The following IFT74 variants were observed in gnomAD, a reference collection of about 807,000 sequenced individuals.
IFT74 encodes the protein intraflagellar transport protein 74 homolog.
In IFT74, 92 loss-of-function variants were observed where a neutral mutation model predicts 96.7. That is an observed-to-expected ratio of 0.95 (90% CI 0.80 to 1.13). The LOEUF is 1.13. Among genes scored for constraint, IFT74 ranks in the 50% most tolerant of loss-of-function variants. The pLI, the probability that IFT74 is intolerant of heterozygous loss-of-function variation, is 0.00. For missense variants in IFT74, 811 were observed against 698.2 expected (o/e 1.16, Z -1.82); for synonymous variants, 223 against 213.2 (o/e 1.05, Z -0.40).
chr9:27,053,151 C>T lies in IFT74; in HGVS notation c.1334-2458C>T, dbSNP rs917914903. On this transcript the variant is annotated intron_variant, in intron 16 of 19. Coordinates refer to ENST00000380062, the MANE Select transcript of IFT74 (RefSeq NM_025103.4). Reference sequence around the variant, plus strand: ...ATGCTGGGATTACAGGCGTGAGCACCGCGCCTGGCCTTTTTTTTTTTTTTT... The same window carrying T: ...ATGCTGGGATTACAGGCGTGAGCACTGCGCCTGGCCTTTTTTTTTTTTTTT... Among the ~76,000 whole-genome samples, 1,452 of 147,832 alleles carry T rather than the reference C, an allele frequency of 9.8e-3. 16 individuals carry two copies. The highest frequency in any genetic ancestry group is 0.016 in the Non-Finnish European group (1,106 of 67,198).
chr9:27,011,046 A>T (rs1489286119), intron 9 of IFT74, among the ~76,000 whole-genome samples: 1 of 152,178 alleles, frequency 6.6e-6, no homozygotes, highest in South Asian at 2.1e-4. Flanking sequence ...GAAGCGTTGA[A>T]GAAAAAGTAT....
In IFT74 at chr9:27,055,617, C is replaced by T. The variant is rs775945301; in HGVS notation, c.1342C>T (p.Arg448Cys). The change falls in exon 17 of 20, where the codon CGT becomes TGT. Residue 448 changes from arginine to cysteine, a missense_variant. Coordinates refer to ENST00000380062, the MANE Select transcript of IFT74 (RefSeq NM_025103.4). ...TAQNLTSDIQ[R>C]LQLDLQKMEL... ...AAATTCTTATGTTTCAGACATTCAA[C>T]GTCTGCAGTTGGATCTGCAGAAAAT... 8.9e-6 allele frequency: 14 copies of T among 1,571,550 alleles called. No individual in the cohort carries two copies. Among genetic ancestry groups the T allele is most frequent in the African/African-American group, 4.2e-5 (3 of 72,108 alleles).
At chr9:27,036,283 C>G (rs1819176797) in intron 13 of IFT74, among the ~76,000 whole-genome samples, 1 of 152,132 alleles carries the variant, frequency 6.6e-6, no homozygotes, top group Non-Finnish European at 1.5e-5. Context: ...GTTCAAACCT[C>G]TGTTTTTCAA....
chr9:27,052,951 C>CT (rs1439164140), intron 16 of IFT74, among the ~76,000 whole-genome samples: 9 of 152,014 alleles, frequency 5.9e-5, no homozygotes, highest in Non-Finnish European at 1.3e-4. Flanking sequence ...CAGGCTCCGC[C>CT]CCCAGGGGTT....
In IFT74 at chr9:27,057,309, C is replaced by G. The variant is rs531092467; in HGVS notation, c.1623+850C>G. 2.6e-5 allele frequency among the ~76,000 whole-genome samples: 4 copies of G among 152,176 alleles called. No individual in the cohort carries two copies. In the South Asian group the frequency reaches 8.3e-4, roughly 32 times the overall value. On this transcript the variant is annotated intron_variant, in intron 18 of 19. Coordinates refer to ENST00000380062, the MANE Select transcript of IFT74 (RefSeq NM_025103.4). The stretch of plus-strand genomic sequence containing the variant: ...CTCATCTTGCTGATAATTACTTGAA[C>G]AGTGTGTGAGGTCTAGATTGAGAGC...
intron 2 of IFT74, among the ~76,000 whole-genome samples, chr9:26,975,570 G>A (rs7035447): frequency 0.1 from 15,572 of 151,990 alleles, 1,830 homozygotes; most frequent in East Asian, 0.66. Context: ...ATTTCATCAC[G>A]CGCTTGGCTG....
intron 9 of IFT74, among the ~76,000 whole-genome samples, chr9:27,010,619 A>G (rs1829018032): frequency 6.6e-6 from 1 of 151,328 alleles, no homozygotes; most frequent in South Asian, 2.1e-4. Context: ...CCTCCTGAGT[A>G]GCTGGGACCA....
intron 8 of IFT74, among the ~76,000 whole-genome samples, chr9:27,004,235 T>C (rs917585610): frequency 2.6e-5 from 4 of 152,214 alleles, no homozygotes; most frequent in African/African-American, 9.6e-5. Flanking sequence ...ATGCTAATAA[T>C]TGTTTTCTCA....
intron 6 of IFT74, among the ~76,000 whole-genome samples, chr9:26,985,183 C>T (rs753341697): frequency 3.9e-5 from 6 of 152,140 alleles, no homozygotes; most frequent in Non-Finnish European, 7.4e-5. Context: ...GGTCATTATC[C>T]TTAGCAAACT....
At chr9:27,009,445 G>A (rs979142409) in intron 9 of IFT74, among the ~76,000 whole-genome samples, 15 of 151,700 alleles carry the variant, frequency 9.9e-5, no homozygotes, top group East Asian at 5.8e-4. Context: ...GAAAATACTC[G>A]CATTTATAAA....
intron 6 of IFT74, among the ~76,000 whole-genome samples, chr9:26,988,410 T>C (rs1827726233): frequency 6.6e-6 from 1 of 152,216 alleles, no homozygotes; most frequent in African/African-American, 2.4e-5. Context: ...CCACAAGATA[T>C]AATATTCAGG....
chr9:26,991,209 G>C (rs575775943), intron 8 of IFT74, among the ~76,000 whole-genome samples: 1 of 152,242 alleles, frequency 6.6e-6, no homozygotes, highest in South Asian at 2.1e-4. Flanking sequence ...TTCTTCTATT[G>C]ATTAAAAACA....
rs548113094 is a variant in IFT74, at chr9:27,029,342, T to G, written c.1054+238T>G. Among the ~76,000 whole-genome samples the G allele has an allele frequency of 1.0e-4, 15 of 144,690 alleles. No individual in the cohort carries two copies. The South Asian group carries it at 2.8e-3, about 27-fold the overall frequency. The allele number at this position is 144,690 out of a possible 152,430, so 94.9% of individuals were successfully genotyped here. ...TTATTTAGCTTTGCCAAGCAGTTTG[T>G]TTTTTTTTTTACAAAAACAGAAGTA... On this transcript the variant is annotated intron_variant, in intron 13 of 19. Coordinates refer to ENST00000380062, the MANE Select transcript of IFT74 (RefSeq NM_025103.4).
At chr9:27,028,539 C>T (rs376854176) in intron 12 of IFT74, among the ~76,000 whole-genome samples, 7 of 152,096 alleles carry the variant, frequency 4.6e-5, no homozygotes, top group African/African-American at 1.7e-4. Context: ...AGGTGGATCT[C>T]GAGGTCAAGA....
chr9:27,040,030 G>A (rs774262387), intron 13 of IFT74, among the ~76,000 whole-genome samples: 18 of 152,162 alleles, frequency 1.2e-4, no homozygotes, highest in Non-Finnish European at 1.9e-4. Context: ...ATGTGAAAAT[G>A]TTAGAAGGGG....
At position 26,996,453 on chromosome 9, in the gene IFT74, G is replaced by T. The variant is rs568424466; in HGVS notation, c.587+6258G>T. Reference sequence around the variant, plus strand: ...TATGAGGTACTGTTTTGATATTGTAGCTCTGCAGGCTGTTGGGGTAGCTAC... The same window carrying T: ...TATGAGGTACTGTTTTGATATTGTATCTCTGCAGGCTGTTGGGGTAGCTAC... On this transcript the variant is annotated intron_variant, in intron 8 of 19. Transcript: ENST00000380062. 9 of 1,550,954 alleles carry T rather than the reference G, an allele frequency of 5.8e-6. 1 individual carries two copies. In the South Asian group the frequency reaches 8.8e-5, roughly 15 times the overall value.
intron 1 of IFT74, among the ~76,000 whole-genome samples, chr9:26,948,449 T>TTATTA (rs1563926434): frequency 3.9e-5 from 1 of 25,474 alleles, no homozygotes; most frequent in African/African-American, 2.6e-4. Context: ...CTTTCCATTA[T>TTATTA]TTTTTTTTTT....
At chr9:27,053,652 C>G (rs7871668) in intron 16 of IFT74, among the ~76,000 whole-genome samples, 36,806 of 151,990 alleles carry the variant, frequency 0.24, 5,465 homozygotes, top group East Asian at 0.7. Flanking sequence ...CTTTTCATTG[C>G]GGACCTGTTG....
Position 26,996,067 on chromosome 9 carries a change from C to T in IFT74, c.587+5872C>T, listed in dbSNP as rs1828139127. ...TACCTAAGACCATTATTGATTTATA[C>T]TCGTTAAGATTTGTGACTAGACTAG... On this transcript the variant is annotated intron_variant, in intron 8 of 19. Transcript: ENST00000380062. Among the ~76,000 whole-genome samples the T allele has an allele frequency of 2.6e-5, 4 of 152,072 alleles. No homozygotes were observed. In the South Asian group the frequency reaches 8.3e-4, roughly 31 times the overall value.
Sources: gnomAD v4.1 joint callset for allele counts (sites outside exome capture counted in the v4.1 genomes callset) on GRCh38, gnomAD v4.1.1 for gene constraint, MANE v1.5 for transcripts, NCBI Gene and HGNC (gene_info 2026-07-23, HGNC 2026-07-21) for gene names.